The following GALNT13 variants were observed in gnomAD, a reference collection of about 807,000 sequenced individuals.
GALNT13 encodes polypeptide N-acetylgalactosaminyltransferase 13, also known as UDP-GalNAc:polypeptide N-acetylgalactosaminyltransferase 13.
GALNT13 carries 28 observed loss-of-function variants against 64.2 expected under a neutral mutation model. The ratio of observed to expected loss-of-function variants is 0.44; its 90% CI spans 0.32 to 0.60. GALNT13 has a LOEUF of 0.60. GALNT13 is among the 20% of genes least tolerant of loss of function. The probability of loss-of-function intolerance (pLI) is 0.05; values close to 1 mark genes in which losing one functional copy is unlikely to be tolerated. For synonymous variants in GALNT13, 214 were observed against 224.6 expected, an observed-to-expected ratio of 0.95 and a Z score of 0.42; for missense variants, 577 against 669.8, an observed-to-expected ratio of 0.86 and a Z score of 1.53.
the GALNT13 span, among the ~76,000 whole-genome samples, chr2:153,680,712 A>G: frequency 2.0e-5 from 3 of 151,718 alleles, no homozygotes; most frequent in Non-Finnish European, 2.9e-5. Flanking sequence ...TTATTTTCCT[A>G]CCTCTCTGTC....
chr2:153,902,481 G>T (rs892289039), intron 2 of GALNT13, among the ~76,000 whole-genome samples: 2 of 152,018 alleles, frequency 1.3e-5, no homozygotes, highest in African/African-American at 4.8e-5. Context: ...ATTAGTTTGA[G>T]GAAACTATTT....
the GALNT13 span, chr2:153,478,799 C>A: frequency 4.4e-6 from 2 of 459,582 alleles, 1 homozygote; most frequent in East Asian, 7.1e-5. Flanking sequence ...TGCTCGTTCC[C>A]GGCGCTCGCT....
chr2:153,243,725 C>T, the GALNT13 span, among the ~76,000 whole-genome samples: 1 of 152,150 alleles, frequency 6.6e-6, no homozygotes, highest in Non-Finnish European at 1.5e-5. Flanking sequence ...TCTTGCAAAG[C>T]ATGTTCTGTG....
intron 7 of GALNT13, among the ~76,000 whole-genome samples, chr2:154,249,076 A>T (rs1477237020): frequency 6.6e-6 from 1 of 152,144 alleles, no homozygotes; most frequent in African/African-American, 2.4e-5. Flanking sequence ...CTAGTAGCAA[A>T]GTTACCTGAT....
At chr2:153,437,417 A>T in the GALNT13 span, among the ~76,000 whole-genome samples, 1 of 152,096 alleles carries the variant, frequency 6.6e-6, no homozygotes, top group Non-Finnish European at 1.5e-5. Flanking sequence ...TCTAATGTTG[A>T]CAGTGGGGTG....
chr2:154,179,992 G>T (rs920148258), intron 4 of GALNT13, among the ~76,000 whole-genome samples: 1 of 152,060 alleles, frequency 6.6e-6, no homozygotes, highest in African/African-American at 2.4e-5. Context: ...TGCTTGGTTT[G>T]AAAACAAATT....
chr2:153,499,525 C>T, the GALNT13 span, among the ~76,000 whole-genome samples: 1 of 152,154 alleles, frequency 6.6e-6, no homozygotes. Flanking sequence ...ACCCAGGAGC[C>T]TGTCTGCCTC....
chr2:154,036,608 T>A (rs1344769976), intron 3 of GALNT13, among the ~76,000 whole-genome samples: 1 of 152,168 alleles, frequency 6.6e-6, no homozygotes, highest in Non-Finnish European at 1.5e-5. Context: ...TGTGTACATG[T>A]TTATGTATGC....
At chr2:153,507,970 T>C in the GALNT13 span, among the ~76,000 whole-genome samples, 1 of 152,158 alleles carries the variant, frequency 6.6e-6, no homozygotes, top group African/African-American at 2.4e-5. Flanking sequence ...AAGAAGCTAC[T>C]GGGCTCTGGG....
chr2:154,356,875 A>G (rs4436915), intron 9 of GALNT13, among the ~76,000 whole-genome samples: 9,920 of 151,994 alleles, frequency 0.065, 330 homozygotes, highest in East Asian at 0.11. Context: ...TGTACTACCT[A>G]TAGTTATTAT....
the GALNT13 span, among the ~76,000 whole-genome samples, chr2:153,408,432 GGAAGAGAGTAAGGGAGGGAAGAAGGAAT>G: frequency 6.6e-6 from 1 of 151,528 alleles, no homozygotes; most frequent in Non-Finnish European, 1.5e-5. Context: ...ATAGAAGGAA[GGAAGAGAGTAAGGGAGGGAAGAAGGAAT>G]GAAGGAGAAA....
chr2:153,885,671 C>T (rs973341372), intron 1 of GALNT13, among the ~76,000 whole-genome samples: 1 of 152,012 alleles, frequency 6.6e-6, no homozygotes, highest in Non-Finnish European at 1.5e-5. Context: ...GATGTGCTTG[C>T]AAATTTACAG....
At position 154,147,643 on chromosome 2, in the gene GALNT13, C is replaced by A. The variant is rs1044906244; in HGVS notation, c.311+7138C>A. Among the ~76,000 whole-genome samples, 8 of 151,912 alleles carry A rather than the reference C, an allele frequency of 5.3e-5. No individual in the cohort carries two copies. The East Asian group carries it at 1.5e-3, about 29-fold the overall frequency. ...CATCATAGGTAAACAGGTATGGAGC[C>A]TGGCTACTATTTTATTTATACACTT... On this transcript the variant is annotated intron_variant, in intron 4 of 12. Transcript: ENST00000392825.
the GALNT13 span, among the ~76,000 whole-genome samples, chr2:153,099,715 A>T: frequency 6.6e-6 from 1 of 152,198 alleles, no homozygotes; most frequent in African/African-American, 2.4e-5. Context: ...TCTCTAAGTT[A>T]TAGTTCTTAT....
At chr2:153,231,330 T>A in the GALNT13 span, among the ~76,000 whole-genome samples, 2 of 152,226 alleles carry the variant, frequency 1.3e-5, 1 homozygote, top group Non-Finnish European at 2.9e-5. Context: ...TCTTGGTTTC[T>A]CACATTTATC....
At chr2:153,255,852 G>C in the GALNT13 span, among the ~76,000 whole-genome samples, 8 of 152,192 alleles carry the variant, frequency 5.3e-5, no homozygotes, top group Non-Finnish European at 1.2e-4. Context: ...AGTCTGATGG[G>C]CTTCCCTTTG....
chr2:153,098,582 C>CA, the GALNT13 span, among the ~76,000 whole-genome samples: 2 of 152,118 alleles, frequency 1.3e-5, no homozygotes, highest in African/African-American at 4.8e-5. Flanking sequence ...AAATCAAATT[C>CA]AAAATCACAT....
At chr2:153,628,509 A>AC in the GALNT13 span, among the ~76,000 whole-genome samples, 4 of 151,286 alleles carry the variant, frequency 2.6e-5, no homozygotes, top group African/African-American at 9.7e-5. Flanking sequence ...TATTATTTTG[A>AC]AATACGTCCC....
At chr2:153,846,003 A>G in the GALNT13 span, among the ~76,000 whole-genome samples, 7 of 152,332 alleles carry the variant, frequency 4.6e-5, no homozygotes, top group African/African-American at 1.4e-4. Context: ...TGTGTAACAA[A>G]AGTAAAGGCA....
Sources: gnomAD v4.1 joint callset for allele counts (sites outside exome capture counted in the v4.1 genomes callset) on GRCh38, gnomAD v4.1.1 for gene constraint, MANE v1.5 for transcripts, NCBI Gene and HGNC (gene_info 2026-07-23, HGNC 2026-07-21) for gene names.